Variants in CES5A observed in about 807,000 individuals in gnomAD.
The protein encoded by CES5A is carboxylesterase 5A.
Under a neutral mutation model 62.9 loss-of-function variants are expected in CES5A, and 67 were observed. That is an observed-to-expected ratio of 1.07 (90% CI 0.88 to 1.31). The LOEUF is 1.31. Among genes scored for constraint, CES5A ranks in the 50% most tolerant of loss-of-function variants. The probability of loss-of-function intolerance (pLI) is 0.00; values close to 1 mark genes in which losing one functional copy is unlikely to be tolerated. For missense variants in CES5A, 748 were observed against 708.5 expected (o/e 1.06, Z -0.63); for synonymous variants, 296 against 280.8 (o/e 1.05, Z -0.54).
chr16:55,943,551 G>A (rs186666537), intron 2 of CES5A, among the ~76,000 whole-genome samples: 8 of 152,264 alleles, frequency 5.3e-5, no homozygotes, highest in Non-Finnish European at 1.5e-5. Context: ...CCAAAATTCT[G>A]CCTAAGATTT....
intron 10 of CES5A, 55 bp downstream of exon 10, chr16:55,852,826 G>C: frequency 2.6e-6 from 4 of 1,566,454 alleles, no homozygotes; most frequent in Non-Finnish European, 3.5e-6. Context: ...ATGGATTTCC[G>C]TGGCCACCAG....
chr16:55,894,653 A>T (rs1419394668), intron 1 of CES5A, among the ~76,000 whole-genome samples: 1 of 152,132 alleles, frequency 6.6e-6, no homozygotes, highest in Non-Finnish European at 1.5e-5. Flanking sequence ...GTCAGAATAA[A>T]CTTTATCTGA....
chr16:55,921,934 T>C (rs778633061), intron 1 of CES5A, among the ~76,000 whole-genome samples: 1 of 152,040 alleles, frequency 6.6e-6, no homozygotes, highest in Non-Finnish European at 1.5e-5. Context: ...TTCTATTCTT[T>C]TCTTGGTGAT....
intron 1 of CES5A, among the ~76,000 whole-genome samples, chr16:55,924,693 A>G (rs1320157890): frequency 1.3e-5 from 2 of 152,126 alleles, no homozygotes; most frequent in African/African-American, 2.4e-5. Context: ...ATTGTAACTA[A>G]ATCAGCGTGC....
At chr16:55,949,887 T>G (rs2034535672) in exon 2 of CES5A, 2 of 1,499,394 alleles carry the variant, frequency 1.3e-6, no homozygotes, top group South Asian at 2.6e-5. Context: ...CACATTCCCC[T>G]TCTTATCCTA....
chr16:55,917,671 C>T (rs1257774563), intron 1 of CES5A, among the ~76,000 whole-genome samples: 1 of 152,162 alleles, frequency 6.6e-6, no homozygotes, highest in Non-Finnish European at 1.5e-5. Flanking sequence ...AAACAGAAGC[C>T]ATGGTTGTAA....
At chr16:55,848,129 G>A (rs4784592) in intron 11 of CES5A, among the ~76,000 whole-genome samples, 106,375 of 151,768 alleles carry the variant, frequency 0.7, 37,447 homozygotes, top group East Asian at 0.78. Flanking sequence ...TTTTTGAGAC[G>A]GGAGTCTCAC....
chr16:55,882,243 A>G (rs902912425), intron 1 of CES5A, among the ~76,000 whole-genome samples: 3 of 152,216 alleles, frequency 2.0e-5, no homozygotes, highest in Non-Finnish European at 4.4e-5. Context: ...CCTTCCTAAA[A>G]GAGATTTATA....
chr16:55,869,744 C>A lies in CES5A; in HGVS notation c.418G>T (p.Val140Phe). 1.2e-6 allele frequency: 2 copies of A among 1,600,278 alleles called. No homozygotes were observed. Among genetic ancestry groups the A allele is most frequent in the African/African-American group, 1.3e-5 (1 of 74,814 alleles). ...GCACCTCCTGGGAACCACACCAAGA[C>A]CTGAGGAGGGGAGAAGAGCATCCAG... ...AHADTGSKLP[V>F]LVWFPGGAFK... Residue 140 changes from valine (V) to phenylalanine (F), a missense_variant and splice_region_variant, in exon 4 of 13, where the codon GTC (valine) becomes TTC (phenylalanine). Physicochemically the swap from Val to Phe is conservative, Grantham distance 50 (BLOSUM62 -1). Coordinates refer to ENST00000290567, the MANE Select transcript of CES5A (RefSeq NM_001143685.2).
intron 1 of CES5A, among the ~76,000 whole-genome samples, chr16:55,905,459 C>G (rs752576807): frequency 6.6e-6 from 1 of 152,032 alleles, no homozygotes; most frequent in Non-Finnish European, 1.5e-5. Flanking sequence ...CTCCGCCCCC[C>G]AAGTTCAAAC....
At chr16:55,944,732 C>G (rs150411931) in intron 2 of CES5A, among the ~76,000 whole-genome samples, 1 of 152,218 alleles carries the variant, frequency 6.6e-6, no homozygotes, top group Non-Finnish European at 1.5e-5. Flanking sequence ...GCCCCATCTT[C>G]CCTGGGTACA....
intron 2 of CES5A, among the ~76,000 whole-genome samples, chr16:55,935,603 G>A (rs191654552): frequency 5.3e-5 from 8 of 152,072 alleles, no homozygotes; most frequent in Non-Finnish European, 4.4e-5. Context: ...ATCCTTCAAG[G>A]CCCAGTAAAG....
At chr16:55,944,931 G>A (rs2034478842) in intron 2 of CES5A, among the ~76,000 whole-genome samples, 1 of 152,196 alleles carries the variant, frequency 6.6e-6, no homozygotes, top group African/African-American at 2.4e-5. Context: ...CTATACTCAA[G>A]GGAAAGAAGG....
At chr16:55,868,347 A>T (rs1241411670) in intron 4 of CES5A, among the ~76,000 whole-genome samples, 1 of 152,222 alleles carries the variant, frequency 6.6e-6, no homozygotes, top group African/African-American at 2.4e-5. Flanking sequence ...AGTCTGCAAA[A>T]GTATTGCTTC....
chr16:55,852,825 C>T lies in CES5A; in HGVS notation c.1273+56G>A, dbSNP rs188915098. On this transcript the variant is annotated intron_variant, in intron 10 of 12. Coordinates refer to ENST00000290567, the MANE Select transcript of CES5A (RefSeq NM_001143685.2). ...CCGCTCAGTAGACAATATGGATTTC[C>T]GTGGCCACCAGCCTCACTGGGCTAT... 16 of 1,565,048 alleles carry T rather than the reference C, an allele frequency of 1.0e-5. 1 individual carries two copies. The highest frequency in any genetic ancestry group is 4.6e-5 in the East Asian group (2 of 43,888).
At chr16:55,848,348 G>A (rs1444490233) in intron 11 of CES5A, among the ~76,000 whole-genome samples, 1 of 151,944 alleles carries the variant, frequency 6.6e-6, no homozygotes, top group African/African-American at 2.4e-5. Context: ...GGAACTCCTG[G>A]ACTCAAGCAA....
intron 1 of CES5A, among the ~76,000 whole-genome samples, chr16:55,955,524 C>T (rs1304999034): frequency 1.3e-5 from 2 of 152,154 alleles, no homozygotes; most frequent in South Asian, 2.1e-4. Context: ...AGGAGCTTGA[C>T]GCTCCATTAC....
At chr16:55,945,529 A>T (rs1428207547) in intron 2 of CES5A, among the ~76,000 whole-genome samples, 1 of 152,228 alleles carries the variant, frequency 6.6e-6, no homozygotes, top group African/African-American at 2.4e-5. Context: ...GGTCTCAGTG[A>T]TCCTGTTCTG....
In CES5A at chr16:55,846,282, T is replaced by A. The variant is rs1597104955; in HGVS notation, c.*169A>T. On this transcript the variant is annotated 3_prime_UTR_variant, in exon 13 of 13. Coordinates refer to ENST00000290567, the MANE Select transcript of CES5A (RefSeq NM_001143685.2). ...TTCCAAGACAAATTGCACTTTTTGA[T>A]GTTGAAAAGAATTCTGTAAGGATCA... is the stretch of plus-strand genomic sequence containing the variant. 2 of 612,588 alleles carry A rather than the reference T, an allele frequency of 3.3e-6. No homozygotes were observed. Among genetic ancestry groups the A allele is most frequent in the Non-Finnish European group, 5.7e-6 (2 of 348,708 alleles). The allele number at this position is 612,588 out of a possible 1,614,324, so 37.9% of individuals were successfully genotyped here. A position where few individuals can be genotyped will look rare whatever the true frequency, so the allele number is the denominator to read the frequency against.
Sources: gnomAD v4.1 joint callset for allele counts (sites outside exome capture counted in the v4.1 genomes callset) on GRCh38, gnomAD v4.1.1 for gene constraint, MANE v1.5 for transcripts, NCBI Gene and HGNC (gene_info 2026-07-23, HGNC 2026-07-21) for gene names.